DPP10: variants seen among roughly 807,000 people sequenced by gnomAD.
The protein encoded by DPP10 is inactive dipeptidyl peptidase 10.
A neutral mutation model predicts 120.9 loss-of-function variants in DPP10; 33 were observed. That is an observed-to-expected ratio of 0.27 (90% CI 0.21 to 0.37). DPP10 has a LOEUF of 0.37. Among genes scored for constraint, DPP10 ranks in the 10% least tolerant of loss-of-function variants. DPP10 has a pLI of 1.00. For missense variants in DPP10, 816 were observed against 942.8 expected (o/e 0.87, Z 1.76); for synonymous variants, 337 against 326.1 (o/e 1.03, Z -0.36).
At chr2:114,649,315 T>C (rs751434288) in intron 1 of DPP10, among the ~76,000 whole-genome samples, 2 of 151,986 alleles carry the variant, frequency 1.3e-5, no homozygotes, top group Non-Finnish European at 2.9e-5. Context: ...CCCCAGATTC[T>C]CACTTAATTG....
At chr2:114,535,724 T>G (rs1686429836) in intron 1 of DPP10, among the ~76,000 whole-genome samples, 1 of 152,196 alleles carries the variant, frequency 6.6e-6, no homozygotes, top group South Asian at 2.1e-4. Flanking sequence ...CAGTTTTTTT[T>G]TCTGAATTAC....
chr2:115,153,330 T>G (rs2051689966), intron 1 of DPP10, among the ~76,000 whole-genome samples: 1 of 152,224 alleles, frequency 6.6e-6, no homozygotes, highest in South Asian at 2.1e-4. Flanking sequence ...TTTTACTTAC[T>G]GTTGGAATGC....
chr2:114,869,345 G>A (rs998699581), intron 1 of DPP10, among the ~76,000 whole-genome samples: 5 of 152,072 alleles, frequency 3.3e-5, no homozygotes, highest in Non-Finnish European at 4.4e-5. Context: ...TTGTGCACTG[G>A]CTCCCAGCTT....
intron 5 of DPP10, among the ~76,000 whole-genome samples, chr2:115,600,043 G>A (rs902681564): frequency 5.3e-5 from 8 of 151,674 alleles, no homozygotes; most frequent in East Asian, 3.9e-4. Flanking sequence ...CCAGAGCGCC[G>A]TCACCTGTTT....
At chr2:115,468,530 C>T in intron 3 of DPP10, 1 of 431,936 alleles carries the variant, frequency 2.3e-6, no homozygotes, top group South Asian at 1.7e-5. Context: ...TGGACATTGC[C>T]ATCCCACTCA....
intron 5 of DPP10, among the ~76,000 whole-genome samples, chr2:115,630,991 T>C (rs552514099): frequency 6.6e-6 from 1 of 151,734 alleles, no homozygotes; most frequent in South Asian, 2.1e-4. Flanking sequence ...CCAGCTCCTC[T>C]TTGTACTTCT....
intron 1 of DPP10, among the ~76,000 whole-genome samples, chr2:114,468,397 C>CAAAAA (rs71297186): frequency 5.8e-4 from 40 of 69,522 alleles, no homozygotes; most frequent in Middle Eastern, 0.01. Context: ...GCTTACAATG[C>CAAAAA]AAAAAAAAAA....
chr2:114,631,427 TGAG>T (rs1026318438), intron 1 of DPP10, among the ~76,000 whole-genome samples: 2 of 151,994 alleles, frequency 1.3e-5, no homozygotes, highest in Non-Finnish European at 2.9e-5. Context: ...CAGGAGAAAA[TGAG>T]GAGTTTTTCC....
chr2:115,162,364 C>T (rs2052468543), intron 1 of DPP10: 1 of 1,377,562 alleles, frequency 7.3e-7, no homozygotes, highest in East Asian at 3.0e-5. Flanking sequence ...CCTCTTGGTT[C>T]CCCATTAACG....
At chr2:115,490,834 G>C (rs1262731195) in intron 3 of DPP10, among the ~76,000 whole-genome samples, 1 of 152,198 alleles carries the variant, frequency 6.6e-6, no homozygotes, top group East Asian at 1.9e-4. Context: ...GCAATTGCGA[G>C]AGGGCTGTGC....
At chr2:114,567,682 A>G (rs1689308688) in intron 1 of DPP10, among the ~76,000 whole-genome samples, 2 of 152,206 alleles carry the variant, frequency 1.3e-5, no homozygotes, top group South Asian at 4.1e-4. Context: ...CAACCTCAAT[A>G]AGAAATCAAT....
intron 7 of DPP10, among the ~76,000 whole-genome samples, chr2:115,705,750 C>T (rs969560314): frequency 6.6e-6 from 1 of 151,726 alleles, no homozygotes; most frequent in Non-Finnish European, 1.5e-5. Context: ...AACTGAAATC[C>T]GATTACCTTT....
At chr2:115,309,942 A>G (rs1004409619) in intron 2 of DPP10, among the ~76,000 whole-genome samples, 1 of 152,106 alleles carries the variant, frequency 6.6e-6, no homozygotes, top group African/African-American at 2.4e-5. Flanking sequence ...AAAGAGTTTA[A>G]TACTAATATG....
chr2:115,397,387 T>C (rs1359632146), intron 3 of DPP10, among the ~76,000 whole-genome samples: 1 of 152,212 alleles, frequency 6.6e-6, no homozygotes, highest in Non-Finnish European at 1.5e-5. Flanking sequence ...TTCATTTTAA[T>C]TCAAGCACTC....
intron 1 of DPP10, among the ~76,000 whole-genome samples, chr2:115,263,194 T>C (rs1181034273): frequency 1.3e-5 from 2 of 152,190 alleles, no homozygotes; most frequent in African/African-American, 2.4e-5. Context: ...CATGTGTTTG[T>C]GTATTAAAAT....
At chr2:114,834,181 C>T (rs542708776) in intron 1 of DPP10, 90 of 151,366 alleles carry the variant, frequency 5.9e-4, no homozygotes, top group Non-Finnish European at 1.0e-3. Context: ...CATATCTACA[C>T]ACCTATGTAT....
intron 4 of DPP10, among the ~76,000 whole-genome samples, chr2:115,503,233 A>G (rs2076775951): frequency 6.6e-6 from 1 of 152,148 alleles, no homozygotes; most frequent in Admixed American, 6.6e-5. Flanking sequence ...ACAAAATAGT[A>G]GGTTTGGGAA....
chr2:115,372,099 G>T (rs1052285533), intron 3 of DPP10, among the ~76,000 whole-genome samples: 15 of 151,916 alleles, frequency 9.9e-5, no homozygotes, highest in Admixed American at 8.5e-4. Context: ...AAAATTCCTT[G>T]GAGTGTTTTA....
At chr2:114,669,781 A>G (rs1277512991) in intron 1 of DPP10, among the ~76,000 whole-genome samples, 1 of 152,056 alleles carries the variant, frequency 6.6e-6, no homozygotes, top group Non-Finnish European at 1.5e-5. Context: ...TACAAATAAC[A>G]TGACTCATTT....
Sources: gnomAD v4.1 joint callset for allele counts (sites outside exome capture counted in the v4.1 genomes callset) on GRCh38, gnomAD v4.1.1 for gene constraint, MANE v1.5 for transcripts, NCBI Gene and HGNC (gene_info 2026-07-23, HGNC 2026-07-21) for gene names.